Variants in C12orf43 observed in about 807,000 individuals in gnomAD.
C12orf43 encodes the protein chromosome 12 open reading frame 43.
A neutral mutation model predicts 20.6 loss-of-function variants in C12orf43; 15 were observed. That is an observed-to-expected ratio of 0.73 (90% CI 0.49 to 1.12). C12orf43 has a LOEUF of 1.12. C12orf43 is among the 50% of genes most tolerant of loss of function. The pLI, the probability that C12orf43 is intolerant of heterozygous loss-of-function variation, is 0.00. For synonymous variants in C12orf43, 144 were observed against 130.8 expected (o/e 1.10, Z -0.69); for missense variants, 334 against 344.4 (o/e 0.97, Z 0.24).
chr12:121,011,889 G>A (rs1030681927), intron 1 of C12orf43, among the ~76,000 whole-genome samples: 10 of 152,192 alleles, frequency 6.6e-5, no homozygotes, highest in African/African-American at 2.4e-4. Flanking sequence ...ACCAGATACT[G>A]AATGCCTTTT....
chr12:121,014,208 TG>T (rs1868658685), intron 1 of C12orf43, among the ~76,000 whole-genome samples: 1 of 151,398 alleles, frequency 6.6e-6, no homozygotes, highest in Admixed American at 6.6e-5. Flanking sequence ...GGTGGGCACC[TG>T]TAATCCCAGC....
chr12:121,012,219 T>C (rs962110168), intron 1 of C12orf43, among the ~76,000 whole-genome samples: 4 of 152,170 alleles, frequency 2.6e-5, no homozygotes, highest in Non-Finnish European at 5.9e-5. Flanking sequence ...GGAAAGCATC[T>C]GCAAAGGCCC....
In C12orf43 at chr12:121,004,943, C is replaced by T; in HGVS notation, c.452+60G>A. Reference sequence around the variant, plus strand: ...GAGTCTGCTTGGCTATTCCAGGGAACCCACCAAGACAGAAGAGGAGAAAAA... The same window carrying T: ...GAGTCTGCTTGGCTATTCCAGGGAATCCACCAAGACAGAAGAGGAGAAAAA... On this transcript the variant is annotated intron_variant, in intron 5 of 5. Coordinates refer to ENST00000288757, the MANE Select transcript of C12orf43 (RefSeq NM_022895.3). This position sits in a 1 kb window ranked among gnomAD's most constrained non-coding sequence, Gnocchi z 5.6. 7.9e-7 allele frequency: 1 copy of T among 1,264,336 alleles called. No homozygotes were observed. The highest frequency in any genetic ancestry group is 3.2e-5 in the Admixed American group (1 of 30,806). 78.3% of individuals were successfully genotyped at this position (1,264,336 alleles called of 1,614,324 possible). A position where few individuals can be genotyped will look rare whatever the true frequency, so the allele number is the denominator to read the frequency against.
At position 121,003,166 on chromosome 12, in the gene C12orf43, A is replaced by T. The variant is rs1476266901; in HGVS notation, c.*987T>A. On this transcript the variant is annotated 3_prime_UTR_variant, in exon 6 of 6. Transcript: ENST00000288757. ...CTCAGCCTCCTGAGTAGCTGGGATT[A>T]CGGGCGTGTGTCAACATGCTCAGCT... 1 of 151,746 alleles carries T rather than the reference A, an allele frequency of 6.6e-6. No homozygotes were observed. Among genetic ancestry groups the T allele is most frequent in the Non-Finnish European group, 1.5e-5 (1 of 68,086 alleles). 9.4% of individuals were successfully genotyped at this position (151,746 alleles called of 1,614,324 possible). A position where few individuals can be genotyped will look rare whatever the true frequency, so the allele number is the denominator to read the frequency against.
At chr12:121,008,662 C>T (rs766977565) in intron 3 of C12orf43, among the ~76,000 whole-genome samples, 1 of 152,222 alleles carries the variant, frequency 6.6e-6, no homozygotes, top group Non-Finnish European at 1.5e-5. Context: ...TTGAGGGGAA[C>T]CCTGTGGGAT....
chr12:121,006,191 A>C, intron 4 of C12orf43, 130 bp downstream of exon 4: 1 of 768,604 alleles, frequency 1.3e-6, no homozygotes, highest in Non-Finnish European at 2.1e-6. Flanking sequence ...ACTCCAGCCT[A>C]GGTGGCAGAG....
At position 121,016,390 on chromosome 12, in the gene C12orf43, C is replaced by T; in HGVS notation, c.85G>A (p.Ala29Thr). 1.2e-6 allele frequency: 2 copies of T among 1,613,972 alleles called. No homozygotes were observed. The highest frequency in any genetic ancestry group is 1.7e-6 in the Non-Finnish European group (2 of 1,180,050). ...DAEELERCREAAMPAWGLEQR... is the reference protein window; with the variant it reads ...DAEELERCRETAMPAWGLEQR... The stretch of plus-strand genomic sequence containing the variant: ...TCCAAGCCCCAAGCCGGCATTGCCG[C>T]CTCGCGGCACCGCTCCAGCTCCTCC... The change falls in exon 1 of 6, where the codon GCG becomes ACG. Residue 29 changes from alanine to threonine, a missense_variant. Ala to Thr is a moderately conservative substitution (Grantham distance 58). Transcript: ENST00000288757.
At position 121,004,863 on chromosome 12, in the gene C12orf43, C is replaced by T; in HGVS notation, c.452+140G>A. The stretch of plus-strand genomic sequence containing the variant: ...CAAGAGGGCTTTCCCTCCCGCTGAG[C>T]TCATGATTTCTCCAGCTGCCTGACA... On this transcript the variant is annotated intron_variant, in intron 5 of 5. Coordinates refer to ENST00000288757, the MANE Select transcript of C12orf43 (RefSeq NM_022895.3). This position sits in a 1 kb window ranked among gnomAD's most constrained non-coding sequence, Gnocchi z 5.6. 1.7e-6 allele frequency: 1 copy of T among 592,648 alleles called. No individual in the cohort carries two copies. 36.7% of individuals were successfully genotyped at this position (592,648 alleles called of 1,614,324 possible). A position where few individuals can be genotyped will look rare whatever the true frequency, so the allele number is the denominator to read the frequency against.
intron 1 of C12orf43, among the ~76,000 whole-genome samples, chr12:121,011,564 A>G (rs1225259107): frequency 1.3e-5 from 2 of 152,158 alleles, no homozygotes; most frequent in East Asian, 3.9e-4. Flanking sequence ...TCTTCCCAAC[A>G]ACCCGATTGG....
At chr12:121,016,233 C>T (rs2135892647) in intron 1 of C12orf43, 97 bp downstream of exon 1, 2 of 1,579,766 alleles carry the variant, frequency 1.3e-6, no homozygotes, top group Non-Finnish European at 1.7e-6. Context: ...GGGAAGGAAG[C>T]CGAGTCCCAG....
At chr12:121,011,213 G>A in intron 1 of C12orf43, 67 bp from the exon 2 acceptor site, 1 of 1,401,170 alleles carries the variant, frequency 7.1e-7, no homozygotes, top group African/African-American at 1.4e-5. Flanking sequence ...ATGCGTGCCA[G>A]GCACTATTTT....
intron 1 of C12orf43, among the ~76,000 whole-genome samples, chr12:121,012,947 T>C (rs79055361): frequency 9.6e-4 from 146 of 151,754 alleles, no homozygotes; most frequent in African/African-American, 3.4e-3. Flanking sequence ...GCTCTGAGGT[T>C]TCTGACTTAA....
Position 121,016,426 on chromosome 12 carries a change from T to A in C12orf43, c.49A>T (p.Ser17Cys). ...TVSDSESSNSSSDAEELERCR... is the reference protein window; with the variant it reads ...TVSDSESSNSCSDAEELERCR... ...CGCTCCAGCTCCTCCGCATCGCTAC[T>A]GCTGTTACTACTTTCCGAATCGCTC... is the stretch of plus-strand genomic sequence containing the variant. The change falls in exon 1 of 6, where the codon AGT becomes TGT. Residue 17 changes from serine (S) to cysteine (C), a missense_variant. By Grantham distance (112) the Ser-to-Cys change is moderately radical. Coordinates refer to ENST00000288757, the MANE Select transcript of C12orf43 (RefSeq NM_022895.3). 1.9e-6 allele frequency: 3 copies of A among 1,614,076 alleles called. No individual in the cohort carries two copies. The South Asian group carries it at 3.3e-5, about 18-fold the overall frequency.
rs1222253859 is a variant in C12orf43 at position 121,003,678 on chromosome 12, A to G, written c.*475T>C. 6.0e-6 allele frequency: 1 copy of G among 166,562 alleles called. No individual in the cohort carries two copies. Among genetic ancestry groups the G allele is most frequent in the Admixed American group, 5.9e-5 (1 of 17,072 alleles). 10.3% of individuals were successfully genotyped at this position (166,562 alleles called of 1,614,324 possible). The stretch of plus-strand genomic sequence containing the variant: ...TCTGTGAAGTCTATGTGGGCTAAGG[A>G]GAGAAGAACAAAAGTTTCTCTGGGC... On this transcript the variant is annotated 3_prime_UTR_variant, in exon 6 of 6. Transcript: ENST00000288757.
At position 121,002,238 on chromosome 12, in the gene C12orf43, G is replaced by A; in HGVS notation, c.*1915C>T. The A allele has an allele frequency of 9.1e-6, 4 of 440,630 alleles. No individual in the cohort carries two copies. In the Middle Eastern group the frequency reaches 1.4e-3, roughly 152 times the overall value. The allele number at this position is 440,630 out of a possible 1,614,324, so 27.3% of individuals were successfully genotyped here. A position where few individuals can be genotyped will look rare whatever the true frequency, so the allele number is the denominator to read the frequency against. The stretch of plus-strand genomic sequence containing the variant: ...ACAGGACTAACACTCAGAAGCCTGG[G>A]GGCCTGGCTGGCTGAGGGCAGTTCG... On this transcript the variant is annotated 3_prime_UTR_variant, in exon 6 of 6. Transcript: ENST00000288757.
intron 3 of C12orf43, 102 bp from the exon 4 acceptor site, chr12:121,006,496 G>A: frequency 8.6e-7 from 1 of 1,166,176 alleles, no homozygotes; most frequent in African/African-American, 1.5e-5. Flanking sequence ...GATTGTAAAT[G>A]CAAAAGCGAA....
rs772951970 is a variant in C12orf43 at position 121,016,318 on chromosome 12, A to G, written c.145+12T>C. 9.9e-6 allele frequency: 16 copies of G among 1,613,208 alleles called. No homozygotes were observed. Among genetic ancestry groups the G allele is most frequent in the African/African-American group, 2.7e-5 (2 of 74,880 alleles). ...CGCCCCTCAGCCAGTCTCCCCAAAC[A>G]TAGTACCCTACCGGCTCTTGGCTTC... On this transcript the variant is annotated intron_variant, in intron 1 of 5. Transcript: ENST00000288757.
rs1322584317 is a variant in C12orf43, at chr12:121,005,207, A to G, written c.362-114T>C. ...AAAATTTTAAAAAGGAAAACGAAAG[A>G]AAGAAAAGATAAAGAGAAACAAAAA... On this transcript the variant is annotated intron_variant, in intron 4 of 5. Coordinates refer to ENST00000288757, the MANE Select transcript of C12orf43 (RefSeq NM_022895.3). The surrounding 1 kb of genome is among the most constrained non-coding windows in gnomAD (Gnocchi z 5.6). 1.7e-6 allele frequency: 1 copy of G among 577,542 alleles called. No individual in the cohort carries two copies. Among genetic ancestry groups the G allele is most frequent in the Non-Finnish European group, 2.6e-6 (1 of 382,476 alleles). The allele number at this position is 577,542 out of a possible 1,614,324, so 35.8% of individuals were successfully genotyped here.
intron 3 of C12orf43, 51 bp downstream of exon 3, chr12:121,010,777 T>G (rs372390406): frequency 4.2e-6 from 6 of 1,444,038 alleles, no homozygotes; most frequent in Non-Finnish European, 5.6e-6. Context: ...TGTGAGCCAT[T>G]GCTGTTCATA....
Sources: allele counts gnomAD v4.1 joint callset (sites outside exome capture counted in the v4.1 genomes callset), GRCh38; gene constraint gnomAD v4.1.1; non-coding constraint Gnocchi (gnomAD v3.1); transcripts MANE v1.5; gene names NCBI Gene and HGNC (gene_info 2026-07-23, HGNC 2026-07-21).